The following CNTN5 variants were observed in gnomAD, a reference collection of about 807,000 sequenced individuals.
The protein encoded by CNTN5 is contactin 5.
A neutral mutation model predicts 129.1 loss-of-function variants in CNTN5; 77 were observed. That is an observed-to-expected ratio of 0.60 (90% CI 0.50 to 0.72). The LOEUF (loss-of-function observed/expected upper bound fraction) is 0.72. Among genes scored for constraint, CNTN5 ranks in the 30% least tolerant of loss-of-function variants. The probability of loss-of-function intolerance (pLI) is 0.00; values close to 1 mark genes in which losing one functional copy is unlikely to be tolerated. For synonymous variants in CNTN5, 509 were observed against 465.6 expected (o/e 1.09, Z -1.20); for missense variants, 1,478 against 1,328.8 (o/e 1.11, Z -1.75).
intron 3 of CNTN5, among the ~76,000 whole-genome samples, chr11:99,793,376 T>A (rs1404744561): frequency 6.7e-6 from 1 of 148,204 alleles, no homozygotes; most frequent in Non-Finnish European, 1.5e-5. Context: ...CTTAATTTTT[T>A]AAAATAATCA....
At chr11:100,152,717 C>A (rs574981638) in intron 13 of CNTN5, among the ~76,000 whole-genome samples, 1 of 152,180 alleles carries the variant, frequency 6.6e-6, no homozygotes. Flanking sequence ...TTATTTTTCA[C>A]TATTTTTAAT....
chr11:100,285,519 A>G (rs533844009), intron 18 of CNTN5, among the ~76,000 whole-genome samples: 35 of 152,252 alleles, frequency 2.3e-4, no homozygotes, highest in African/African-American at 7.7e-4. Flanking sequence ...AATTAGTACT[A>G]TTTCTCAATA....
chr11:99,845,774 A>C (rs1947673526), intron 6 of CNTN5, among the ~76,000 whole-genome samples: 1 of 151,812 alleles, frequency 6.6e-6, no homozygotes, highest in African/African-American at 2.4e-5. Flanking sequence ...AAGTAGATAA[A>C]GTTTTAGAAT....
intron 3 of CNTN5, among the ~76,000 whole-genome samples, chr11:99,785,214 A>G (rs1179716658): frequency 6.6e-6 from 1 of 152,064 alleles, no homozygotes; most frequent in East Asian, 1.9e-4. Flanking sequence ...CTTTTGAGAA[A>G]TGTCTGTTTG....
rs200707543 is a variant in CNTN5, at chr11:99,046,678, TC to T, written c.-210+25409del. Among the ~76,000 whole-genome samples the T allele has an allele frequency of 7.5e-3, 1,148 of 152,222 alleles. 18 individuals carry two copies. The highest frequency in any genetic ancestry group is 0.026 in the African/African-American group (1,101 of 41,560). ...TATTTATTTTAGTTTTTTCATCAAT[TC>T]AAGAAAATATCTTACACAGGCAGGA... On this transcript the variant is annotated intron_variant, in intron 1 of 24. Transcript: ENST00000524871.
chr11:99,439,859 T>A (rs535571968), intron 2 of CNTN5, among the ~76,000 whole-genome samples: 2 of 152,224 alleles, frequency 1.3e-5, no homozygotes, highest in African/African-American at 2.4e-5. Flanking sequence ...TGCAATGAAA[T>A]ACATTAGTAT....
At chr11:100,151,121 A>G (rs1947038892) in intron 13 of CNTN5, among the ~76,000 whole-genome samples, 1 of 152,136 alleles carries the variant, frequency 6.6e-6, no homozygotes, top group Non-Finnish European at 1.5e-5. Flanking sequence ...TGTCTGTGGT[A>G]TTTTGTTGTA....
intron 1 of CNTN5, among the ~76,000 whole-genome samples, chr11:99,043,837 G>T (rs1864101827): frequency 6.6e-6 from 1 of 152,172 alleles, no homozygotes; most frequent in Non-Finnish European, 1.5e-5. Context: ...TGCCAGCATT[G>T]ATTCAGAATG....
intron 2 of CNTN5, among the ~76,000 whole-genome samples, chr11:99,421,799 G>A (rs993580576): frequency 2.0e-4 from 30 of 151,928 alleles, no homozygotes; most frequent in African/African-American, 7.0e-4. Flanking sequence ...TGGTTTCTCT[G>A]AATCCAATTC....
intron 3 of CNTN5, chr11:99,558,063 A>G (rs1050894732): frequency 6.4e-6 from 1 of 157,304 alleles, no homozygotes; most frequent in Non-Finnish European, 1.4e-5. Context: ...AAAAGTTGGT[A>G]GAGACATCTA....
At chr11:99,470,935 T>A (rs977157597) in intron 2 of CNTN5, among the ~76,000 whole-genome samples, 1 of 152,094 alleles carries the variant, frequency 6.6e-6, no homozygotes, top group Non-Finnish European at 1.5e-5. Flanking sequence ...TAGATCTTAT[T>A]TATTCCTGTA....
intron 2 of CNTN5, among the ~76,000 whole-genome samples, chr11:99,409,439 G>T (rs1355685167): frequency 6.6e-6 from 1 of 152,180 alleles, no homozygotes; most frequent in Non-Finnish European, 1.5e-5. Flanking sequence ...CTGCACTCCA[G>T]CCTGGGCGAC....
At chr11:99,169,372 A>ATG (rs71046671) in intron 1 of CNTN5, among the ~76,000 whole-genome samples, 21,970 of 150,950 alleles carry the variant, frequency 0.15, 1,664 homozygotes, top group Middle Eastern at 0.24. Context: ...AATAAGCTAT[A>ATG]TGTGTGTGTG....
intron 16 of CNTN5, among the ~76,000 whole-genome samples, chr11:100,254,743 G>T (rs899176822): frequency 1.3e-5 from 2 of 152,106 alleles, no homozygotes; most frequent in African/African-American, 4.8e-5. Context: ...ATTTCTTAGG[G>T]TTTAGCTCAT....
intron 6 of CNTN5, among the ~76,000 whole-genome samples, chr11:99,883,974 T>C (rs572668807): frequency 3.9e-5 from 6 of 152,322 alleles, no homozygotes; most frequent in African/African-American, 1.4e-4. Flanking sequence ...AAATCACTGG[T>C]AAAAATTCAT....
chr11:99,938,005 T>C (rs1950353191), intron 7 of CNTN5, among the ~76,000 whole-genome samples: 1 of 152,242 alleles, frequency 6.6e-6, no homozygotes, highest in African/African-American at 2.4e-5. Context: ...TCCTGCTTTC[T>C]GTTTTGGAAG....
At chr11:99,923,859 C>T (rs1949998538) in intron 7 of CNTN5, among the ~76,000 whole-genome samples, 1 of 152,022 alleles carries the variant, frequency 6.6e-6, no homozygotes, top group African/African-American at 2.4e-5. Flanking sequence ...ATGATCTCAG[C>T]TCACTGCAAC....
Position 99,200,840 on chromosome 11 carries a change from T to C in CNTN5, c.-209-124506T>C, listed in dbSNP as rs565855610. On this transcript the variant is annotated intron_variant, in intron 1 of 24. Coordinates refer to ENST00000524871, the MANE Select transcript of CNTN5 (RefSeq NM_014361.4). ...CACAGAGGTGATTAGCTAGATAATA[T>C]ACCCTTGGATTGGCTTGCCTTCCTC... Among the ~76,000 whole-genome samples, 4 of 152,204 alleles carry C rather than the reference T, an allele frequency of 2.6e-5. No individual in the cohort carries two copies. In the East Asian group the frequency reaches 7.7e-4, roughly 29 times the overall value.
intron 1 of CNTN5, among the ~76,000 whole-genome samples, chr11:99,309,603 T>C (rs1348919579): frequency 6.6e-6 from 1 of 152,206 alleles, no homozygotes; most frequent in Non-Finnish European, 1.5e-5. Context: ...GGGATGCTTA[T>C]CCACATTCCG....
Sources: gnomAD v4.1 joint callset for allele counts (sites outside exome capture counted in the v4.1 genomes callset) on GRCh38, gnomAD v4.1.1 for gene constraint, MANE v1.5 for transcripts, NCBI Gene and HGNC (gene_info 2026-07-23, HGNC 2026-07-21) for gene names.